BOLL: variants seen among roughly 807,000 people sequenced by gnomAD.
BOLL encodes the protein protein boule-like.
In BOLL, 23 loss-of-function variants were observed where a neutral mutation model predicts 44.4. That is an observed-to-expected ratio of 0.52 (90% CI 0.37 to 0.73). The LOEUF (loss-of-function observed/expected upper bound fraction) is 0.73. BOLL is among the 30% of genes least tolerant of loss of function. The pLI is 0.00. For missense variants in BOLL, 287 were observed against 338.3 expected (o/e 0.85, Z 1.19); for synonymous variants, 97 against 110.8 (o/e 0.88, Z 0.78).
chr2:197,731,819 G>T (rs1687197433), intron 10 of BOLL, among the ~76,000 whole-genome samples: 1 of 151,676 alleles, frequency 6.6e-6, no homozygotes, highest in African/African-American at 2.4e-5. Flanking sequence ...AAAGCAGTGT[G>T]TAGAGAGAAA....
At chr2:197,735,572 G>GGAA in intron 10 of BOLL, among the ~76,000 whole-genome samples, 1 of 152,218 alleles carries the variant, frequency 6.6e-6, no homozygotes, top group East Asian at 1.9e-4. Flanking sequence ...TTAGACGACT[G>GGAA]TACTGATGTT....
chr2:197,743,164 T>G lies in BOLL; in HGVS notation c.730-5A>C. Reference sequence around the variant, plus strand: ...AACTCCATGATCAGAATAAGGCTATTACAAAAAAAGAGAGAAAAAATGTCA... The same window carrying G: ...AACTCCATGATCAGAATAAGGCTATGACAAAAAAAGAGAGAAAAAATGTCA... On this transcript the variant is annotated splice_region_variant and splice_polypyrimidine_tract_variant and intron_variant, in intron 9 of 10. Coordinates refer to ENST00000392296, the MANE Select transcript of BOLL (RefSeq NM_033030.6). The G allele has an allele frequency of 6.4e-7, 1 of 1,567,002 alleles. No homozygotes were observed. Among genetic ancestry groups the G allele is most frequent in the Non-Finnish European group, 8.6e-7 (1 of 1,157,648 alleles).
chr2:197,737,950 G>A (rs989068914), intron 10 of BOLL, among the ~76,000 whole-genome samples: 1 of 152,108 alleles, frequency 6.6e-6, no homozygotes, highest in Non-Finnish European at 1.5e-5. Flanking sequence ...TTCATCGATT[G>A]TTAGTAGACA....
Position 197,778,973 on chromosome 2 carries a change from A to C in BOLL, c.221+2T>G. The stretch of plus-strand genomic sequence containing the variant: ...CCATAGACAATCTATAGTGATACTA[A>C]CCCTTTGGATACTCCAGCTCTGTCA... On this transcript the variant is annotated splice_donor_variant, in intron 3 of 10. Coordinates refer to ENST00000392296, the MANE Select transcript of BOLL (RefSeq NM_033030.6). LOFTEE classifies it high-confidence loss of function. The C allele has an allele frequency of 6.2e-7, 1 of 1,605,406 alleles. No homozygotes were observed. The highest frequency in any genetic ancestry group is 8.5e-7 in the Non-Finnish European group (1 of 1,174,044).
At chr2:197,782,960 T>A (rs1002408828) in intron 1 of BOLL, among the ~76,000 whole-genome samples, 2 of 152,048 alleles carry the variant, frequency 1.3e-5, no homozygotes, top group African/African-American at 4.8e-5. Flanking sequence ...TATAAATGTA[T>A]AAGCCTTTGC....
At chr2:197,743,874 G>A (rs1008118178) in intron 9 of BOLL, among the ~76,000 whole-genome samples, 46 of 148,876 alleles carry the variant, frequency 3.1e-4, no homozygotes, top group African/African-American at 9.4e-4. Context: ...GCAGTGGTGT[G>A]ATCTCGGCTC....
At chr2:197,747,808 T>C (rs1345906962) in intron 9 of BOLL, among the ~76,000 whole-genome samples, 1 of 152,172 alleles carries the variant, frequency 6.6e-6, no homozygotes, top group Non-Finnish European at 1.5e-5. Flanking sequence ...CACATGGTAC[T>C]GGTACAAAAA....
intron 7 of BOLL, chr2:197,758,970 G>C (rs1252718504): frequency 6.5e-7 from 1 of 1,535,992 alleles, no homozygotes; most frequent in East Asian, 2.4e-5. Context: ...AGGAAGCAAA[G>C]AGTCCATCCA....
At chr2:197,731,152 G>A (rs1345258066) in intron 10 of BOLL, among the ~76,000 whole-genome samples, 4 of 152,020 alleles carry the variant, frequency 2.6e-5, no homozygotes, top group Admixed American at 6.6e-5. Context: ...AAAAAAGGCA[G>A]GGGTTGCAAT....
intron 5 of BOLL, among the ~76,000 whole-genome samples, chr2:197,772,787 G>A (rs918197227): frequency 1.1e-4 from 16 of 152,098 alleles, no homozygotes; most frequent in African/African-American, 3.6e-4. Flanking sequence ...GTCTTAACCA[G>A]CAAGGTTATA....
intron 7 of BOLL, among the ~76,000 whole-genome samples, chr2:197,761,510 C>CA (rs1483998875): frequency 1.3e-5 from 2 of 152,088 alleles, no homozygotes; most frequent in African/African-American, 2.4e-5. Context: ...AACCCAGCTG[C>CA]AAAAAATCAC....
chr2:197,737,414 G>A (rs371619629), intron 10 of BOLL, among the ~76,000 whole-genome samples: 1 of 152,048 alleles, frequency 6.6e-6, no homozygotes, highest in South Asian at 2.1e-4. Context: ...AATTTCTAAT[G>A]TCTAAGTGGG....
Position 197,727,799 on chromosome 2 carries a change from C to G in BOLL, c.*756G>C, listed in dbSNP as rs900006200. ...GATCCATATTTTATAAAATTTGATA[C>G]CAAATAAATTATGTTATAGGAAGAT... On this transcript the variant is annotated 3_prime_UTR_variant, in exon 11 of 11. Transcript: ENST00000392296. 5.3e-5 allele frequency: 8 copies of G among 151,866 alleles called. No individual in the cohort carries two copies. In the East Asian group the frequency reaches 1.5e-3, roughly 29 times the overall value. The allele number at this position is 151,866 out of a possible 1,614,324, so 9.4% of individuals were successfully genotyped here.
At chr2:197,754,792 A>G (rs952889208) in intron 9 of BOLL, among the ~76,000 whole-genome samples, 2 of 150,146 alleles carry the variant, frequency 1.3e-5, no homozygotes, top group East Asian at 3.9e-4. Flanking sequence ...CACACAAACC[A>G]TAGAAGACAA....
At chr2:197,776,223 A>G (rs1321263990) in intron 4 of BOLL, among the ~76,000 whole-genome samples, 1 of 151,904 alleles carries the variant, frequency 6.6e-6, no homozygotes, top group Non-Finnish European at 1.5e-5. Context: ...TGATTTGGCT[A>G]TTTAAAATGG....
chr2:197,728,763 A>G (rs898567669), intron 10 of BOLL, among the ~76,000 whole-genome samples, 185 bp from the exon 11 acceptor site: 12 of 152,158 alleles, frequency 7.9e-5, no homozygotes, highest in Non-Finnish European at 1.5e-4. Flanking sequence ...ACTCAGGAAA[A>G]CCTGCTCTCT....
chr2:197,764,198 G>A (rs1394516451), intron 7 of BOLL, among the ~76,000 whole-genome samples: 2 of 152,066 alleles, frequency 1.3e-5, no homozygotes, highest in African/African-American at 2.4e-5. Flanking sequence ...AATTTATTTG[G>A]AGAAAAGGAA....
At chr2:197,773,958 AC>A (rs771931985) in intron 5 of BOLL, 18 of 426,756 alleles carry the variant, frequency 4.2e-5, no homozygotes, top group Non-Finnish European at 6.7e-5. Context: ...CTAAGAAAAA[AC>A]TAAGATAAGA....
chr2:197,768,021 T>C (rs528373772), intron 6 of BOLL, among the ~76,000 whole-genome samples: 3 of 152,088 alleles, frequency 2.0e-5, no homozygotes, highest in African/African-American at 7.2e-5. Context: ...TAAATAATTG[T>C]GTAAATGAGA....
Sources: gnomAD v4.1 joint callset for allele counts (sites outside exome capture counted in the v4.1 genomes callset) on GRCh38, gnomAD v4.1.1 for gene constraint, MANE v1.5 for transcripts, NCBI Gene and HGNC (gene_info 2026-07-23, HGNC 2026-07-21) for gene names.